TMEM132C: variants seen among roughly 807,000 people sequenced by gnomAD.
The protein encoded by TMEM132C is protein phosphatase 1, regulatory subunit 152.
Under a neutral mutation model 61.4 loss-of-function variants are expected in TMEM132C, and 29 were observed. The observed-to-expected ratio is 0.47, with a 90% CI of 0.35 to 0.64. The LOEUF is 0.64. Among genes scored for constraint, TMEM132C ranks in the 30% least tolerant of loss-of-function variants. TMEM132C has a pLI of 0.00. For synonymous variants in TMEM132C, 656 were observed against 633.1 expected (o/e 1.04, Z -0.54); for missense variants, 1,408 against 1,476.9 (o/e 0.95, Z 0.76).
At chr12:128,478,816 T>G (rs764548159) in intron 2 of TMEM132C, among the ~76,000 whole-genome samples, 1 of 152,210 alleles carries the variant, frequency 6.6e-6, no homozygotes, top group Non-Finnish European at 1.5e-5. Flanking sequence ...CAACGACTTA[T>G]GCCAAGAGAT....
chr12:128,451,920 A>G (rs1870186474), intron 2 of TMEM132C, among the ~76,000 whole-genome samples: 2 of 152,212 alleles, frequency 1.3e-5, no homozygotes, highest in Admixed American at 1.3e-4. Context: ...ACCACCAGAC[A>G]ACAAAATAAA....
intron 2 of TMEM132C, among the ~76,000 whole-genome samples, chr12:128,465,067 G>A (rs1022848962): frequency 2.0e-5 from 3 of 152,088 alleles, no homozygotes; most frequent in African/African-American, 4.8e-5. Flanking sequence ...CCCTTGAGAC[G>A]TCCTCCTATG....
chr12:128,598,032 C>T (rs905940412), intron 3 of TMEM132C, among the ~76,000 whole-genome samples: 1 of 152,216 alleles, frequency 6.6e-6, no homozygotes, highest in African/African-American at 2.4e-5. Flanking sequence ...CTCCCCAGAG[C>T]ACGTCCTCCT....
intron 2 of TMEM132C, among the ~76,000 whole-genome samples, chr12:128,506,728 C>G (rs1374035725): frequency 1.3e-5 from 2 of 152,176 alleles, no homozygotes; most frequent in Non-Finnish European, 2.9e-5. Context: ...CTCCCATGCT[C>G]CTGTCCTCAC....
intron 1 of TMEM132C, among the ~76,000 whole-genome samples, chr12:128,360,349 A>G (rs1390921652): frequency 6.6e-6 from 1 of 152,138 alleles, no homozygotes; most frequent in Non-Finnish European, 1.5e-5. Flanking sequence ...GTCCAACAGA[A>G]TTTAGATGAT....
At chr12:128,357,776 G>T (rs1314041092) in intron 1 of TMEM132C, among the ~76,000 whole-genome samples, 1 of 151,478 alleles carries the variant, frequency 6.6e-6, no homozygotes, top group African/African-American at 2.4e-5. Context: ...GGCCAGTGCA[G>T]TCCTGGGCTT....
intron 1 of TMEM132C, among the ~76,000 whole-genome samples, chr12:128,352,689 G>A (rs1441933842): frequency 1.3e-5 from 2 of 152,150 alleles, no homozygotes; most frequent in African/African-American, 4.8e-5. Context: ...TTGACTTCAG[G>A]TATATAGATT....
At chr12:128,539,714 C>T (rs1479779225) in intron 2 of TMEM132C, among the ~76,000 whole-genome samples, 1 of 152,158 alleles carries the variant, frequency 6.6e-6, no homozygotes, top group East Asian at 1.9e-4. Context: ...ATATTCAAGA[C>T]ATTTTTTATT....
At chr12:128,656,554 T>C (rs1954326959) in intron 4 of TMEM132C, among the ~76,000 whole-genome samples, 1 of 152,260 alleles carries the variant, frequency 6.6e-6, no homozygotes, top group Non-Finnish European at 1.5e-5. Context: ...TTCTCAACCT[T>C]CAACAACATC....
At chr12:128,643,212 C>T (rs1292771115) in intron 4 of TMEM132C, among the ~76,000 whole-genome samples, 2 of 152,154 alleles carry the variant, frequency 1.3e-5, no homozygotes, top group South Asian at 2.1e-4. Context: ...ACCGGATTAC[C>T]GCTTGTGCTT....
At chr12:128,696,231 T>C (rs1222939050) in intron 7 of TMEM132C, 128 bp downstream of exon 7, 1 of 1,308,790 alleles carries the variant, frequency 7.6e-7, no homozygotes, top group African/African-American at 1.5e-5. Flanking sequence ...CACAGGAAGA[T>C]GAGCCCAGGC....
chr12:128,316,997 T>G (rs945659546), intron 1 of TMEM132C, among the ~76,000 whole-genome samples: 4 of 152,236 alleles, frequency 2.6e-5, no homozygotes, highest in African/African-American at 9.6e-5. Flanking sequence ...CACCCTTATG[T>G]ACTTTAGAAT....
At chr12:128,389,219 G>A (rs1183878693) in intron 1 of TMEM132C, among the ~76,000 whole-genome samples, 3 of 152,110 alleles carry the variant, frequency 2.0e-5, no homozygotes, top group Non-Finnish European at 4.4e-5. Context: ...TGGGCACTGG[G>A]GACAAACAAG....
intron 1 of TMEM132C, among the ~76,000 whole-genome samples, chr12:128,308,760 A>AG (rs1031752682): frequency 2.0e-5 from 3 of 152,126 alleles, no homozygotes; most frequent in African/African-American, 7.2e-5. Context: ...ACCGTGCACA[A>AG]GGCCGGGGGT....
At chr12:128,373,919 G>A (rs945833275) in intron 1 of TMEM132C, among the ~76,000 whole-genome samples, 10 of 152,232 alleles carry the variant, frequency 6.6e-5, no homozygotes, top group Non-Finnish European at 1.3e-4. Flanking sequence ...TGCAGCAGCT[G>A]CCTGCATCCC....
intron 2 of TMEM132C, among the ~76,000 whole-genome samples, chr12:128,436,739 G>A (rs1368283576): frequency 6.6e-6 from 1 of 152,110 alleles, no homozygotes; most frequent in East Asian, 1.9e-4. Flanking sequence ...ACAGTGTGGC[G>A]ATTCCTCAAG....
At chr12:128,662,263 G>C (rs199594617) in intron 4 of TMEM132C, among the ~76,000 whole-genome samples, 4 of 152,258 alleles carry the variant, frequency 2.6e-5, no homozygotes, top group East Asian at 3.9e-4. Flanking sequence ...CCTCCCTCCA[G>C]CCACCAATTG....
chr12:128,620,836 A>G (rs1008254728), intron 4 of TMEM132C, among the ~76,000 whole-genome samples: 4 of 151,946 alleles, frequency 2.6e-5, no homozygotes, highest in African/African-American at 7.3e-5. Context: ...TTCCTAGAAC[A>G]TGTTCCTATC....
At position 128,326,715 on chromosome 12, in the gene TMEM132C, G is replaced by C. The variant is rs1160148685; in HGVS notation, c.85+59228G>C. ...CCTTTGTGCCCCTAAGACGGAGCAG[G>C]CTGGAAGGTAAGAGGCAGAGAAGTT... On this transcript the variant is annotated intron_variant, in intron 1 of 8. Transcript: ENST00000435159. This position sits in a 1 kb window ranked among gnomAD's most constrained non-coding sequence, Gnocchi z 5.6. 6.6e-6 allele frequency among the ~76,000 whole-genome samples: 1 copy of C among 152,206 alleles called. No homozygotes were observed. Among genetic ancestry groups the C allele is most frequent in the East Asian group, 1.9e-4 (1 of 5,192 alleles).
Sources: gnomAD v4.1 joint callset for allele counts (sites outside exome capture counted in the v4.1 genomes callset) on GRCh38, gnomAD v4.1.1 for gene constraint, Gnocchi (gnomAD v3.1) non-coding constraint, MANE v1.5 for transcripts, NCBI Gene and HGNC (gene_info 2026-07-23, HGNC 2026-07-21) for gene names.